Variants in PRR5L observed in about 807,000 individuals in gnomAD.
PRR5L encodes the protein proline-rich protein 5-like.
PRR5L carries 21 observed loss-of-function variants against 36.4 expected under a neutral mutation model. The ratio of observed to expected loss-of-function variants is 0.58; its 90% CI spans 0.41 to 0.83. The LOEUF (loss-of-function observed/expected upper bound fraction) is 0.83. PRR5L is among the 40% of genes least tolerant of loss of function. The probability of loss-of-function intolerance (pLI) is 0.00; values close to 1 mark genes in which losing one functional copy is unlikely to be tolerated. For missense variants in PRR5L, 381 were observed against 473.3 expected, an observed-to-expected ratio of 0.80 and a Z score of 1.81; for synonymous variants, 188 against 197.0, an observed-to-expected ratio of 0.95 and a Z score of 0.38.
At chr11:36,393,255 C>G (rs1318025965) in intron 1 of PRR5L, among the ~76,000 whole-genome samples, 1 of 152,082 alleles carries the variant, frequency 6.6e-6, no homozygotes, top group Non-Finnish European at 1.5e-5. Flanking sequence ...AAATCTTTGC[C>G]CAGTCCAATG....
intron 1 of PRR5L, chr11:36,376,039 G>A: frequency 1.4e-6 from 1 of 693,256 alleles, no homozygotes. Context: ...GTCGGCTGCA[G>A]ATCTCCCGTT....
At chr11:36,352,945 C>T (rs1373887670) in intron 1 of PRR5L, among the ~76,000 whole-genome samples, 1 of 152,194 alleles carries the variant, frequency 6.6e-6, no homozygotes, top group Non-Finnish European at 1.5e-5. Flanking sequence ...TGACAGGAAG[C>T]CCTTGGCCCA....
intron 1 of PRR5L, among the ~76,000 whole-genome samples, chr11:36,340,937 C>CT (rs1284315929): frequency 6.6e-6 from 1 of 152,174 alleles, no homozygotes; most frequent in African/African-American, 2.4e-5. Flanking sequence ...GTAGAGAGAG[C>CT]TTTCTTCTAT....
intron 3 of PRR5L, among the ~76,000 whole-genome samples, chr11:36,412,350 C>G (rs1858044768): frequency 1.3e-5 from 2 of 152,164 alleles, no homozygotes; most frequent in African/African-American, 4.8e-5. Flanking sequence ...GCTCAATAAA[C>G]TTTAATTGGA....
chr11:36,359,907 C>T (rs889925209), intron 1 of PRR5L, among the ~76,000 whole-genome samples: 10 of 152,034 alleles, frequency 6.6e-5, no homozygotes, highest in Admixed American at 2.0e-4. Context: ...CATGGTGATG[C>T]GCGCCTGTAG....
At chr11:36,432,475 G>C (rs994746690) in intron 5 of PRR5L, among the ~76,000 whole-genome samples, 3 of 152,170 alleles carry the variant, frequency 2.0e-5, no homozygotes, top group African/African-American at 7.2e-5. Context: ...ATAGAAACAG[G>C]TTCCAAAGGC....
rs1212756556 is a variant in PRR5L at position 36,302,289 on chromosome 11, T to A, written c.-126+5851T>A. ...GGATGGGGAAGAATTTTGGGGAGAA[T>A]GTACTAGGCAGAGAGGGAACAGCCT... On this transcript the variant is annotated intron_variant, in intron 1 of 8. Transcript: ENST00000530639. Among the ~76,000 whole-genome samples, 3 of 152,052 alleles carry A rather than the reference T, an allele frequency of 2.0e-5. No individual in the cohort carries two copies. The East Asian group carries it at 5.8e-4, about 29-fold the overall frequency.
At chr11:36,384,480 C>G (rs72950079) in intron 1 of PRR5L, among the ~76,000 whole-genome samples, 6,489 of 152,242 alleles carry the variant, frequency 0.043, 163 homozygotes, top group East Asian at 0.11. Context: ...AGTGGACACT[C>G]TAATGTTTGG....
chr11:36,316,544 G>A (rs1022885604), intron 1 of PRR5L, among the ~76,000 whole-genome samples: 2 of 152,158 alleles, frequency 1.3e-5, no homozygotes, highest in African/African-American at 4.8e-5. Context: ...GAAGCATAGA[G>A]GGGGTTGAAA....
At chr11:36,388,937 G>C (rs1857510397) in intron 1 of PRR5L, among the ~76,000 whole-genome samples, 1 of 151,768 alleles carries the variant, frequency 6.6e-6, no homozygotes, top group Non-Finnish European at 1.5e-5. Context: ...CTGACCTCGT[G>C]ATCTGCCTGC....
intron 1 of PRR5L, among the ~76,000 whole-genome samples, chr11:36,304,369 A>G (rs1856407869): frequency 6.6e-6 from 1 of 152,182 alleles, no homozygotes. Flanking sequence ...CATATACCAA[A>G]TGGCAAAAAT....
rs116147783 is a variant in PRR5L at position 36,344,417 on chromosome 11, T to C, written c.-126+47979T>C. Among the ~76,000 whole-genome samples the C allele has an allele frequency of 1.2e-3, 182 of 152,336 alleles. No homozygotes were observed. The highest frequency in any genetic ancestry group is 4.3e-3 in the African/African-American group (178 of 41,578). Reference sequence around the variant, plus strand: ...TCCTTAACATGTTATAAATATTTCTTGATATTATTAAAAGTTATTGACATC... The same window carrying C: ...TCCTTAACATGTTATAAATATTTCTCGATATTATTAAAAGTTATTGACATC... On this transcript the variant is annotated intron_variant, in intron 1 of 8. Transcript: ENST00000530639. The surrounding 1 kb of genome is among the most constrained non-coding windows in gnomAD (Gnocchi z 4.1).
At chr11:36,389,281 G>A (rs997397454) in intron 1 of PRR5L, among the ~76,000 whole-genome samples, 3 of 152,266 alleles carry the variant, frequency 2.0e-5, no homozygotes, top group South Asian at 2.1e-4. Context: ...CCAGCCATGC[G>A]TTCAAGTGCC....
chr11:36,328,772 A>T (rs988915404), intron 1 of PRR5L, among the ~76,000 whole-genome samples: 1 of 152,178 alleles, frequency 6.6e-6, no homozygotes, highest in African/African-American at 2.4e-5. Context: ...TTTCTTTAGG[A>T]GGCTCTGCTT....
At chr11:36,356,794 A>G (rs1857032624) in intron 1 of PRR5L, among the ~76,000 whole-genome samples, 1 of 151,706 alleles carries the variant, frequency 6.6e-6, no homozygotes, top group Non-Finnish European at 1.5e-5. Flanking sequence ...TGTTCCCCTG[A>G]CTCTCCCTCT....
At chr11:36,316,026 C>G (rs1856552097) in intron 1 of PRR5L, among the ~76,000 whole-genome samples, 1 of 152,166 alleles carries the variant, frequency 6.6e-6, no homozygotes, top group Non-Finnish European at 1.5e-5. Context: ...GGGACCAGGA[C>G]ATGACAAAAT....
chr11:36,416,607 A>G (rs1397539659), intron 3 of PRR5L, among the ~76,000 whole-genome samples: 1 of 152,176 alleles, frequency 6.6e-6, no homozygotes, highest in African/African-American at 2.4e-5. Context: ...TTCTAGCTTC[A>G]GAGTCCTTTC....
At chr11:36,325,611 G>A (rs138845360) in intron 1 of PRR5L, among the ~76,000 whole-genome samples, 3,361 of 152,240 alleles carry the variant, frequency 0.022, 77 homozygotes, top group East Asian at 0.098. Context: ...TGCCTAATTA[G>A]CATTTTAGTG....
intron 1 of PRR5L, among the ~76,000 whole-genome samples, chr11:36,381,993 C>T (rs1857377234): frequency 6.6e-6 from 1 of 152,014 alleles, no homozygotes; most frequent in Admixed American, 6.5e-5. Flanking sequence ...CCCATCTCTA[C>T]TAAAAATACA....
Sources: allele counts gnomAD v4.1 joint callset (sites outside exome capture counted in the v4.1 genomes callset), GRCh38; gene constraint gnomAD v4.1.1; non-coding constraint Gnocchi (gnomAD v3.1); transcripts MANE v1.5; gene names NCBI Gene and HGNC (gene_info 2026-07-23, HGNC 2026-07-21).